UBE2K: variants seen among roughly 807,000 people sequenced by gnomAD.
UBE2K encodes the protein ubiquitin conjugating enzyme E2 K, also known as ubiquitin-conjugating enzyme E2 K.
In UBE2K, 6 loss-of-function variants were observed where a neutral mutation model predicts 30.0. That is an observed-to-expected ratio of 0.20 (90% CI 0.11 to 0.39). The LOEUF is 0.39. UBE2K is among the 10% of genes least tolerant of loss of function. UBE2K has a pLI of 1.00. For missense variants in UBE2K, 61 were observed against 241.6 expected (o/e 0.25, Z 4.96); for synonymous variants, 86 against 83.7 (o/e 1.03, Z -0.15).
chr4:39,775,619 GCA>G (rs1713237946), intron 5 of UBE2K, among the ~76,000 whole-genome samples: 1 of 152,128 alleles, frequency 6.6e-6, no homozygotes, highest in African/African-American at 2.4e-5. Context: ...TGGCGTGGTG[GCA>G]CACACCTGTA....
At chr4:39,728,298 A>G (rs1719866716) in intron 1 of UBE2K, among the ~76,000 whole-genome samples, 1 of 152,184 alleles carries the variant, frequency 6.6e-6, no homozygotes, top group Non-Finnish European at 1.5e-5. Context: ...ATCAGTTAAA[A>G]TATTGCCTGT....
At chr4:39,754,146 T>A (rs2109372874) in intron 3 of UBE2K, among the ~76,000 whole-genome samples, 1 of 152,198 alleles carries the variant, frequency 6.6e-6, no homozygotes, top group East Asian at 1.9e-4. Context: ...TTAGTTTTGG[T>A]GCGGAAAATA....
chr4:39,761,248 G>A (rs1383654560), intron 4 of UBE2K: 1 of 152,220 alleles, frequency 6.6e-6, no homozygotes, highest in African/African-American at 2.4e-5. Flanking sequence ...GATAACACCT[G>A]TGAATAGCCA....
intron 4 of UBE2K, chr4:39,770,138 G>A (rs1427913772): frequency 6.3e-7 from 1 of 1,598,598 alleles, no homozygotes; most frequent in East Asian, 2.2e-5. Flanking sequence ...TCTCGGCGGT[G>A]GTCTTGCCGT....
At chr4:39,738,275 G>A (rs1399988829) in intron 2 of UBE2K, among the ~76,000 whole-genome samples, 1 of 152,050 alleles carries the variant, frequency 6.6e-6, no homozygotes, top group Non-Finnish European at 1.5e-5. Flanking sequence ...GTCTTTACAT[G>A]TATTTTCTCA....
chr4:39,758,627 G>A (rs1020306428), intron 4 of UBE2K, among the ~76,000 whole-genome samples: 9 of 151,914 alleles, frequency 5.9e-5, no homozygotes, highest in African/African-American at 2.2e-4. Context: ...GCAGTTAGCA[G>A]AGATCATGCC....
At chr4:39,756,685 A>G (rs967759814) in intron 4 of UBE2K, among the ~76,000 whole-genome samples, 4 of 152,132 alleles carry the variant, frequency 2.6e-5, no homozygotes, top group African/African-American at 9.7e-5. Context: ...TAGTCTGACA[A>G]TGATAAAGAT....
In UBE2K at chr4:39,698,271, G is replaced by GGCGGTGGTCGTA. The variant is rs1578404738; in HGVS notation, c.-49_-38dup. 1 of 1,554,130 alleles carries GGCGGTGGTCGTA rather than the reference G, an allele frequency of 6.4e-7. No homozygotes were observed. Among genetic ancestry groups the GGCGGTGGTCGTA allele is most frequent in the South Asian group, 1.2e-5 (1 of 86,838 alleles). On this transcript the variant is annotated 5_prime_UTR_variant, in exon 1 of 7. Coordinates refer to ENST00000261427, the MANE Select transcript of UBE2K (RefSeq NM_005339.5). Reference sequence around the variant, plus strand: ...CGGTGGAGGAAGAGGTGGCGGCGGTGGCGGTGGTCGTAGCGGTGGCGGAGG... The same window carrying GGCGGTGGTCGTA: ...CGGTGGAGGAAGAGGTGGCGGCGGTGGCGGTGGTCGTAGCGGTGGTCGTAGCGGTGGCGGAGG...
At chr4:39,777,918 G>T in intron 6 of UBE2K, 108 bp downstream of exon 6, 1 of 1,070,498 alleles carries the variant, frequency 9.3e-7, no homozygotes, top group Non-Finnish European at 1.3e-6. Context: ...TCGCAGCCTG[G>T]GCAACATGGC....
chr4:39,706,759 G>A (rs965562595), intron 1 of UBE2K, among the ~76,000 whole-genome samples: 4 of 151,968 alleles, frequency 2.6e-5, no homozygotes, highest in African/African-American at 9.7e-5. Context: ...ATTTCCCAGT[G>A]AATACATTAT....
intron 4 of UBE2K, among the ~76,000 whole-genome samples, chr4:39,766,329 G>A (rs1328978467): frequency 6.6e-6 from 1 of 151,938 alleles, no homozygotes; most frequent in East Asian, 1.9e-4. Flanking sequence ...CCATTCTAAT[G>A]GATATGAAGT....
At chr4:39,757,007 T>TTTGTTTG (rs567980588) in intron 4 of UBE2K, among the ~76,000 whole-genome samples, 14 of 117,618 alleles carry the variant, frequency 1.2e-4, no homozygotes, top group South Asian at 2.8e-4. Context: ...GGTGTTTTTT[T>TTTGTTTG]TTTGTTTTTT....
At chr4:39,750,235 A>G (rs1192624012) in intron 3 of UBE2K, among the ~76,000 whole-genome samples, 3 of 152,130 alleles carry the variant, frequency 2.0e-5, no homozygotes, top group African/African-American at 4.8e-5. Context: ...CACACTTCAC[A>G]TATCTTCAGG....
chr4:39,699,664 G>A (rs1407150452), intron 1 of UBE2K, among the ~76,000 whole-genome samples: 2 of 152,060 alleles, frequency 1.3e-5, no homozygotes, highest in Non-Finnish European at 2.9e-5. Context: ...TGCTATTTGT[G>A]TTTTTCTTTT....
At chr4:39,746,881 T>G (rs767324340) in intron 3 of UBE2K, among the ~76,000 whole-genome samples, 1 of 152,228 alleles carries the variant, frequency 6.6e-6, no homozygotes, top group Admixed American at 6.5e-5. Flanking sequence ...AACACAAATA[T>G]AGTTCCAACT....
chr4:39,720,430 T>C (rs914428807), intron 1 of UBE2K, among the ~76,000 whole-genome samples: 1 of 152,194 alleles, frequency 6.6e-6, no homozygotes, highest in African/African-American at 2.4e-5. Flanking sequence ...ACATTTTTTA[T>C]TTATTCACAT....
At chr4:39,714,550 A>ATATATT in intron 1 of UBE2K, 12 of 17,852 alleles carry the variant, frequency 6.7e-4, no homozygotes, top group South Asian at 6.3e-3. Context: ...ATATATATAT[A>ATATATT]TTTTTTTTTT....
intron 3 of UBE2K, among the ~76,000 whole-genome samples, chr4:39,751,546 G>A (rs891875020): frequency 6.6e-6 from 1 of 152,080 alleles, no homozygotes; most frequent in African/African-American, 2.4e-5. Flanking sequence ...AGGAGTGATG[G>A]CGCACGCCTG....
intron 4 of UBE2K, 35 bp downstream of exon 4, chr4:39,755,774 A>G (rs748296149): frequency 1.4e-6 from 2 of 1,431,446 alleles, no homozygotes; most frequent in East Asian, 2.3e-5. Flanking sequence ...TCTCCTTCTC[A>G]TATGAATACC....
Sources: gnomAD v4.1 joint callset for allele counts (sites outside exome capture counted in the v4.1 genomes callset) on GRCh38, gnomAD v4.1.1 for gene constraint, MANE v1.5 for transcripts, NCBI Gene and HGNC (gene_info 2026-07-23, HGNC 2026-07-21) for gene names.